The following WWTR1 variants were observed in gnomAD, a reference collection of about 807,000 sequenced individuals.
The protein encoded by WWTR1 is WW domain containing transcription regulator 1.
Under a neutral mutation model 40.1 loss-of-function variants are expected in WWTR1, and 13 were observed. That is an observed-to-expected ratio of 0.32 (90% CI 0.21 to 0.52). The LOEUF is 0.52. Ranked by LOEUF, WWTR1 falls within the 20% of genes least tolerant of loss-of-function variation. The pLI, the probability that WWTR1 is intolerant of heterozygous loss-of-function variation, is 0.97. For missense variants in WWTR1, 436 were observed against 523.1 expected, an observed-to-expected ratio of 0.83 and a Z score of 1.63; for synonymous variants, 230 against 210.1, an observed-to-expected ratio of 1.09 and a Z score of -0.82.
rs368845286 is a variant in WWTR1 at position 149,651,992 on chromosome 3, A to ATTTTTT, written c.431+4878_431+4883dup. ...AGGCGCCCGCTGCCACGCCCGGCTAATTTTTTTTTTTTTTTTTTTTTTTGT... is the reference window on the plus strand; with the variant it reads ...AGGCGCCCGCTGCCACGCCCGGCTAATTTTTTTTTTTTTTTTTTTTTTTTTTTTTGT... On this transcript the variant is annotated intron_variant, in intron 2 of 6. Coordinates refer to ENST00000360632, the MANE Select transcript of WWTR1 (RefSeq NM_015472.6). Among the ~76,000 whole-genome samples the ATTTTTT allele has an allele frequency of 4.5e-3, 420 of 93,674 alleles. 3 individuals carry two copies. The highest frequency in any genetic ancestry group is 0.019 in the East Asian group (51 of 2,662). The allele number at this position is 93,674 out of a possible 152,430, so 61.5% of individuals were successfully genotyped here.
chr3:149,635,740 A>T (rs910295699), intron 2 of WWTR1, among the ~76,000 whole-genome samples: 4 of 152,178 alleles, frequency 2.6e-5, no homozygotes, highest in Non-Finnish European at 4.4e-5. Context: ...TTCTGGGGAG[A>T]TGAGCAGGAT....
intron 1 of WWTR1, among the ~76,000 whole-genome samples, chr3:149,672,135 AAAC>A (rs898673425): frequency 2.6e-5 from 4 of 151,878 alleles, no homozygotes; most frequent in African/African-American, 9.7e-5. Flanking sequence ...AAAAAACAAA[AAAC>A]AAACAAACAA....
chr3:149,613,465 C>A (rs923694867), intron 2 of WWTR1, among the ~76,000 whole-genome samples: 3 of 152,166 alleles, frequency 2.0e-5, no homozygotes, highest in South Asian at 2.1e-4. Flanking sequence ...TATCTATCTG[C>A]CCCTGACATA....
At chr3:149,701,686 G>GT (rs1183916205) in intron 1 of WWTR1, 2 of 175,714 alleles carry the variant, frequency 1.1e-5, no homozygotes, top group African/African-American at 2.4e-5. Context: ...GGTTCATGGG[G>GT]TTTTTTGGAG....
At chr3:149,546,401 A>C (rs928597200) in intron 3 of WWTR1, among the ~76,000 whole-genome samples, 22 of 152,234 alleles carry the variant, frequency 1.4e-4, no homozygotes, top group African/African-American at 5.3e-4. Context: ...GAAATTCTGT[A>C]TGATGATTCC....
At position 149,520,980 on chromosome 3, in the gene WWTR1, G is replaced by A; in HGVS notation, c.1028C>T (p.Ala343Val). 1 of 1,596,992 alleles carries A rather than the reference G, an allele frequency of 6.3e-7. No homozygotes were observed. Residue 343 changes from alanine (A) to valine (V), a missense_variant, in exon 7 of 7, where the codon GCA becomes GTA. By Grantham distance (64) the Ala-to-Val change is moderately conservative. Transcript: ENST00000360632. ...NVDEMDTGEN[A>V]GQTPMNINPQ... ...ATTGATGTTCATGGGTGTTTGTCCTGCGTTTTCTCCTATAACAAAATGAAA... is the reference window on the plus strand; with the variant it reads ...ATTGATGTTCATGGGTGTTTGTCCTACGTTTTCTCCTATAACAAAATGAAA...
At chr3:149,604,575 G>A (rs1431065919) in intron 2 of WWTR1, among the ~76,000 whole-genome samples, 1 of 152,230 alleles carries the variant, frequency 6.6e-6, no homozygotes, top group Non-Finnish European at 1.5e-5. Flanking sequence ...TGTCACAGTT[G>A]CTGCTACAAG....
Position 149,657,100 on chromosome 3 carries a change from C to A in WWTR1, c.207G>T (p.Ser69=). 6.3e-7 allele frequency: 1 copy of A among 1,577,696 alleles called. No individual in the cohort carries two copies. The highest frequency in any genetic ancestry group is 8.6e-7 in the Non-Finnish European group (1 of 1,164,692). ...GSHSRQSSTD[S]SGGHPGPRLA... ...GTCGAGGCCCCGGGTGGCCGCCCGA[C>A]GAGTCGGTGCTGGACTGGCGCGAGT... Residue 69 remains serine, a synonymous_variant, in exon 2 of 7, where the codon TCG becomes TCT. Transcript: ENST00000360632.
At chr3:149,549,685 A>T (rs1055821658) in intron 3 of WWTR1, among the ~76,000 whole-genome samples, 59 of 152,278 alleles carry the variant, frequency 3.9e-4, no homozygotes, top group Admixed American at 2.0e-3. Context: ...AAAAAATTTT[A>T]AAAATTAGCT....
intron 6 of WWTR1, 95 bp downstream of exon 6, chr3:149,525,918 A>AAAAAT (rs1054398165): frequency 2.8e-6 from 2 of 702,296 alleles, no homozygotes; most frequent in Non-Finnish European, 4.2e-6. Flanking sequence ...TTGAAATTAT[A>AAAAAT]AAAATAAAAT....
chr3:149,542,564 A>G, intron 3 of WWTR1, 27 bp from the exon 4 acceptor site: 1 of 1,586,724 alleles, frequency 6.3e-7, no homozygotes, highest in Non-Finnish European at 8.6e-7. Context: ...CATACAGATT[A>G]ATGACCAGGG....
upstream of WWTR1, chr3:149,660,302 C>G (rs1713514061): frequency 6.6e-6 from 1 of 152,176 alleles, no homozygotes. Context: ...CTAGGAAAGT[C>G]CTCACTCCCG....
chr3:149,559,739 C>T (rs1269315592), intron 3 of WWTR1, among the ~76,000 whole-genome samples: 2 of 152,154 alleles, frequency 1.3e-5, no homozygotes, highest in East Asian at 3.8e-4. Flanking sequence ...TTAAACAATG[C>T]TTTTGATAAC....
chr3:149,589,870 A>G (rs4681528), intron 2 of WWTR1, among the ~76,000 whole-genome samples: 90,543 of 151,944 alleles, frequency 0.6, 27,632 homozygotes, highest in East Asian at 0.77. Context: ...GGTATCAAAT[A>G]TAACAGTTGA....
intron 2 of WWTR1, among the ~76,000 whole-genome samples, chr3:149,619,273 A>T (rs1057174611): frequency 2.6e-5 from 4 of 152,018 alleles, no homozygotes; most frequent in Admixed American, 2.0e-4. Context: ...TCCCCTTCCA[A>T]CTCTTCACGC....
At chr3:149,658,926 G>A (rs1713429712), upstream of WWTR1, among the ~76,000 whole-genome samples, 1 of 152,180 alleles carries the variant, frequency 6.6e-6, no homozygotes, top group South Asian at 2.1e-4. Context: ...ACCCGAGCAG[G>A]TGGCTGGAAG....
intron 2 of WWTR1, among the ~76,000 whole-genome samples, chr3:149,573,919 T>C (rs1010645009): frequency 6.6e-6 from 1 of 150,588 alleles, no homozygotes; most frequent in Non-Finnish European, 1.5e-5. Flanking sequence ...TCCATCAAAC[T>C]CTTCCTTTAG....
intron 1 of WWTR1, among the ~76,000 whole-genome samples, chr3:149,680,798 T>G (rs1714437088): frequency 6.6e-6 from 1 of 152,142 alleles, no homozygotes; most frequent in Non-Finnish European, 1.5e-5. Flanking sequence ...GCTATGACCA[T>G]GCCACTTCAC....
intron 2 of WWTR1, among the ~76,000 whole-genome samples, chr3:149,665,914 T>C (rs1187590435): frequency 2.6e-5 from 4 of 152,174 alleles, no homozygotes; most frequent in African/African-American, 9.7e-5. Flanking sequence ...AGAGAACTAA[T>C]TAGCAGTGTT....
Sources: allele counts gnomAD v4.1 joint callset (sites outside exome capture counted in the v4.1 genomes callset), GRCh38; gene constraint gnomAD v4.1.1; transcripts MANE v1.5; gene names NCBI Gene and HGNC (gene_info 2026-07-23, HGNC 2026-07-21).